The following PDPR variants were observed in gnomAD, a reference collection of about 807,000 sequenced individuals.
The protein encoded by PDPR is pyruvate dehydrogenase phosphatase regulatory subunit, mitochondrial.
A neutral mutation model predicts 102.2 loss-of-function variants in PDPR; 50 were observed. The observed-to-expected ratio is 0.49, with a 90% CI of 0.39 to 0.62. The LOEUF is 0.62. PDPR is among the 20% of genes least tolerant of loss of function. PDPR has a pLI of 0.00. For missense variants in PDPR, 625 were observed against 1,098.2 expected (o/e 0.57, Z 6.09); for synonymous variants, 259 against 406.0 (o/e 0.64, Z 4.35).
chr16:70,133,003 G>A (rs921859062), intron 9 of PDPR, among the ~76,000 whole-genome samples: 4 of 151,962 alleles, frequency 2.6e-5, no homozygotes, highest in African/African-American at 9.7e-5. Context: ...TGTTGAGATG[G>A]GGTCTCGCTG....
intron 15 of PDPR, among the ~76,000 whole-genome samples, chr16:70,145,494 G>A (rs988654959): frequency 6.6e-6 from 1 of 152,240 alleles, no homozygotes; most frequent in Non-Finnish European, 1.5e-5. Flanking sequence ...ACTCTCAGCA[G>A]TCTCGGCTTA....
intron 9 of PDPR, among the ~76,000 whole-genome samples, chr16:70,132,924 C>A (rs1222169211): frequency 1.8e-4 from 28 of 152,120 alleles, no homozygotes; most frequent in African/African-American, 6.8e-4. Flanking sequence ...GCAATCCTGC[C>A]ACATCAGCCT....
chr16:70,156,925 G>A lies in PDPR; in HGVS notation c.*46G>A. On this transcript the variant is annotated 3_prime_UTR_variant, in exon 19 of 19. Transcript: ENST00000288050. ...CTCCTCCCCATCATCTTGTCCTAGA[G>A]TGGGCGTCACCTTGGAGCTTCTCTT... The A allele has an allele frequency of 6.3e-7, 1 of 1,596,816 alleles. No homozygotes were observed. Among genetic ancestry groups the A allele is most frequent in the Non-Finnish European group, 8.5e-7 (1 of 1,171,322 alleles).
At chr16:70,114,187 G>A (rs1230603206), upstream of PDPR, 1 of 152,230 alleles carries the variant, frequency 6.6e-6, no homozygotes, top group African/African-American at 2.4e-5. Flanking sequence ...TGGCAGGGGC[G>A]GGGCTCCGCG....
intron 10 of PDPR, among the ~76,000 whole-genome samples, chr16:70,136,588 A>G (rs1597341048): frequency 6.6e-6 from 1 of 152,116 alleles, no homozygotes; most frequent in African/African-American, 2.4e-5. Flanking sequence ...TCATCGGGCA[A>G]AATGTTTTTG....
intron 10 of PDPR, among the ~76,000 whole-genome samples, chr16:70,137,361 A>AAAT (rs1056339435): frequency 6.6e-6 from 1 of 152,236 alleles, no homozygotes; most frequent in East Asian, 1.9e-4. Context: ...ATCTCAATAA[A>AAAT]AATAATAATA....
chr16:70,151,868 A>C (rs1966764823), intron 17 of PDPR, among the ~76,000 whole-genome samples: 1 of 152,198 alleles, frequency 6.6e-6, no homozygotes, highest in African/African-American at 2.4e-5. Context: ...GTTCACACTA[A>C]ATCTCTGGTA....
intron 17 of PDPR, among the ~76,000 whole-genome samples, chr16:70,151,797 T>C (rs985489095): frequency 2.0e-5 from 3 of 152,262 alleles, no homozygotes; most frequent in Non-Finnish European, 4.4e-5. Flanking sequence ...AGGAAGCTTA[T>C]GTTTGTCTCT....
At chr16:70,141,839 C>T (rs1270317924) in intron 11 of PDPR, among the ~76,000 whole-genome samples, 1 of 152,268 alleles carries the variant, frequency 6.6e-6, no homozygotes, top group African/African-American at 2.4e-5. Context: ...GTGGCTCACG[C>T]CTGTAATCCC....
chr16:70,155,384 C>A (rs866120164), intron 18 of PDPR, among the ~76,000 whole-genome samples: 1 of 152,190 alleles, frequency 6.6e-6, no homozygotes, highest in African/African-American at 2.4e-5. Flanking sequence ...TGGCTTCAAG[C>A]GATTCTCCTG....
rs1402599812 is a variant in PDPR at position 70,161,754 on chromosome 16, T to A, written c.*4875T>A. On this transcript the variant is annotated 3_prime_UTR_variant, in exon 19 of 19. Coordinates refer to ENST00000288050, the MANE Select transcript of PDPR (RefSeq NM_017990.5). ...TTTGTCCATGAAACATGAAGAGTTG[T>A]TTATGGTTCTTGACTTCTCTGAGCA... 1.3e-5 allele frequency: 2 copies of A among 152,486 alleles called. No homozygotes were observed. The highest frequency in any genetic ancestry group is 2.9e-5 in the Non-Finnish European group (2 of 68,154). 9.4% of individuals were successfully genotyped at this position (152,486 alleles called of 1,614,324 possible).
chr16:70,134,140 GAA>G (rs1338028960), intron 9 of PDPR, among the ~76,000 whole-genome samples: 1 of 152,248 alleles, frequency 6.6e-6, no homozygotes, highest in Non-Finnish European at 1.5e-5. Flanking sequence ...TTAGAAAACA[GAA>G]TTGTTTTGTT....
Position 70,153,477 on chromosome 16 carries a change from C to T in PDPR, c.2139C>T (p.Leu713=), listed in dbSNP as rs868863401. 6.2e-7 allele frequency: 1 copy of T among 1,613,564 alleles called. No homozygotes were observed. Among genetic ancestry groups the T allele is most frequent in the South Asian group, 1.1e-5 (1 of 90,922 alleles). Residue 713 remains leucine (L), a synonymous_variant, in exon 18 of 19, where the codon CTC becomes CTT. Coordinates refer to ENST00000288050, the MANE Select transcript of PDPR (RefSeq NM_017990.5). The part of the protein sequence containing the change: ...RNAGYYALRS[L]RIEKFFAFWG... Reference sequence around the variant, plus strand: ...CTGGGTATTACGCTCTTCGCAGTCTCCGAATTGAGAAGTTTTTTGCCTTCT... The same window carrying T: ...CTGGGTATTACGCTCTTCGCAGTCTTCGAATTGAGAAGTTTTTTGCCTTCT...
rs1380786596 is a variant in PDPR at position 70,146,241 on chromosome 16, A to G, written c.1962+13A>G. On this transcript the variant is annotated intron_variant, in intron 16 of 18. Coordinates refer to ENST00000288050, the MANE Select transcript of PDPR (RefSeq NM_017990.5). ...CCTCTTTTGCAAGGTAAGTGCTGAT[A>G]AAGTTCTGTTTCTTAAATGGGCAGA... 1.9e-6 allele frequency: 3 copies of G among 1,613,802 alleles called. No individual in the cohort carries two copies. The highest frequency in any genetic ancestry group is 1.7e-6 in the Non-Finnish European group (2 of 1,179,806).
At position 70,156,868 on chromosome 16, in the gene PDPR, C is replaced by T. The variant is rs992509275; in HGVS notation, c.2629C>T (p.His877Tyr). ...RKDDMELSDL[H>Y]GK is the part of the protein sequence containing the mutation. ...GGATGACATGGAGCTGAGTGACTTA[C>T]ATGGGAAGTGATGCCACCAGGGCAG... Residue 877 changes from histidine (H) to tyrosine (Y), a missense_variant, in exon 19 of 19, where the codon CAT (histidine) becomes TAT (tyrosine). Coordinates refer to ENST00000288050, the MANE Select transcript of PDPR (RefSeq NM_017990.5). 2 of 1,613,584 alleles carry T rather than the reference C, an allele frequency of 1.2e-6. No individual in the cohort carries two copies. The highest frequency in any genetic ancestry group is 1.7e-6 in the Non-Finnish European group (2 of 1,179,678).
intron 8 of PDPR, chr16:70,131,841 C>G (rs1441158721): frequency 1.6e-5 from 23 of 1,411,120 alleles, no homozygotes; most frequent in East Asian, 1.2e-4. Flanking sequence ...TGCAACCCCC[C>G]TCTCTGTTAA....
chr16:70,131,031 G>C (rs551800618), intron 7 of PDPR, among the ~76,000 whole-genome samples: 4 of 152,248 alleles, frequency 2.6e-5, no homozygotes, highest in Admixed American at 6.5e-5. Flanking sequence ...GAGCCCAGGC[G>C]TTTTATCAAA....
intron 17 of PDPR, among the ~76,000 whole-genome samples, chr16:70,152,719 T>G (rs1359005127): frequency 6.6e-6 from 1 of 152,288 alleles, no homozygotes; most frequent in Non-Finnish European, 1.5e-5. Context: ...TCATTTTTGT[T>G]GGACTTTAAA....
At chr16:70,155,586 C>G (rs1967065655) in intron 18 of PDPR, among the ~76,000 whole-genome samples, 1 of 152,234 alleles carries the variant, frequency 6.6e-6, no homozygotes, top group African/African-American at 2.4e-5. Context: ...GATGGGGTTT[C>G]TCCAGGTTGG....
Sources: allele counts gnomAD v4.1 joint callset (sites outside exome capture counted in the v4.1 genomes callset), GRCh38; gene constraint gnomAD v4.1.1; transcripts MANE v1.5; gene names NCBI Gene and HGNC (gene_info 2026-07-23, HGNC 2026-07-21).